The following DST variants were observed in gnomAD, a reference collection of about 807,000 sequenced individuals.
DST encodes the protein bullous pemphigoid antigen.
Under a neutral mutation model 875.2 loss-of-function variants are expected in DST, and 253 were observed. The ratio of observed to expected loss-of-function variants is 0.29; its 90% CI spans 0.26 to 0.32. The LOEUF is 0.32. Ranked by LOEUF, DST falls within the 10% of genes least tolerant of loss-of-function variation. The pLI is 1.00. For missense variants in DST, 8,287 were observed against 9,111.6 expected, an observed-to-expected ratio of 0.91 and a Z score of 3.68; for synonymous variants, 3,124 against 3,197.1, an observed-to-expected ratio of 0.98 and a Z score of 0.77.
chr6:56,545,333 A>C (rs932941097), intron 61 of DST, among the ~76,000 whole-genome samples: 4 of 150,494 alleles, frequency 2.7e-5, no homozygotes, highest in African/African-American at 7.5e-5. Context: ...AGAGAAATAC[A>C]TAATAAGGTA....
chr6:56,619,328 G>C lies in DST; in HGVS notation c.4930-4844C>G, dbSNP rs2098663472. On this transcript the variant is annotated intron_variant, in intron 36 of 103. Transcript: ENST00000680361. ...CTCTACTTTTTGTTTTAGCATCTCT[G>C]CACACTCATTACTTTTCTCCAATTC... The C allele has an allele frequency of 6.2e-7, 1 of 1,613,042 alleles. No individual in the cohort carries two copies. Among genetic ancestry groups the C allele is most frequent in the Admixed American group, 1.7e-5 (1 of 59,922 alleles).
At chr6:56,488,732 A>T (rs2095645172) in intron 86 of DST, among the ~76,000 whole-genome samples, 1 of 152,028 alleles carries the variant, frequency 6.6e-6, no homozygotes, top group Admixed American at 6.6e-5. Context: ...AAAATTGTAA[A>T]ACCCTTTGCA....
At chr6:56,511,536 G>A in intron 72 of DST, 136 bp from the exon 73 acceptor site, 1 of 670,410 alleles carries the variant, frequency 1.5e-6, no homozygotes, top group South Asian at 1.9e-5. Context: ...AACACATGAT[G>A]GCTCATACAG....
intron 32 of DST, among the ~76,000 whole-genome samples, chr6:56,628,601 A>G (rs1449369047): frequency 6.6e-6 from 1 of 152,226 alleles, no homozygotes; most frequent in Non-Finnish European, 1.5e-5. Context: ...ACCTGTCTCT[A>G]TGATTTAAAA....
chr6:56,926,697 C>T (rs17752435), intron 2 of DST, among the ~76,000 whole-genome samples: 23,296 of 152,098 alleles, frequency 0.15, 1,974 homozygotes, highest in Middle Eastern at 0.23. Flanking sequence ...AGTTAAGTGG[C>T]GACCCTCTTT....
chr6:56,901,425 G>T (rs986147463), intron 2 of DST, among the ~76,000 whole-genome samples: 2 of 152,100 alleles, frequency 1.3e-5, no homozygotes, highest in Non-Finnish European at 1.5e-5. Flanking sequence ...GCGAAACCCT[G>T]TCTCTACTAA....
chr6:56,601,304 T>C, intron 44 of DST, 139 bp downstream of exon 44: 3 of 607,394 alleles, frequency 4.9e-6, no homozygotes, highest in Admixed American at 3.2e-5. Context: ...TTATACACTG[T>C]AGGATTTGTA....
chr6:56,608,761 C>T lies in DST; in HGVS notation c.5867G>A (p.Gly1956Glu), dbSNP rs2098519616. The change falls in exon 40 of 104, where the codon GGA (glycine) becomes GAA (glutamate). Residue 1956 changes from glycine to glutamate, a missense_variant. By Grantham distance (98) the Gly-to-Glu change is moderately conservative. This residue lies in a region of DST where 3,138 missense variants were observed against 3,116.6 expected (regional missense o/e 1.01). Transcript: ENST00000680361. ...TCCACATTTTAATGTTATTCTACCT[C>T]CTTCTTGTGGTCTCACAGGTAGAAG... is the stretch of plus-strand genomic sequence containing the variant. ...MWLLPVRPQE[G>E]GRITLKCGRN... is the part of the protein sequence containing the mutation. The T allele has an allele frequency of 1.2e-6, 2 of 1,609,264 alleles. No individual in the cohort carries two copies. Among genetic ancestry groups the T allele is most frequent in the Admixed American group, 1.7e-5 (1 of 59,202 alleles).
chr6:56,568,681 G>C (rs1327679103), intron 54 of DST, 86 bp from the exon 55 acceptor site: 1 of 1,210,562 alleles, frequency 8.3e-7, no homozygotes, highest in Non-Finnish European at 1.1e-6. Context: ...ATATCTTAAA[G>C]TAGTAATAAT....
At chr6:56,696,072 T>C (rs1394845479) in intron 9 of DST, among the ~76,000 whole-genome samples, 1 of 152,244 alleles carries the variant, frequency 6.6e-6, no homozygotes, top group Non-Finnish European at 1.5e-5. Flanking sequence ...AATTTATGAA[T>C]ATTGGTGATA....
chr6:56,565,588 A>T (rs1383797942), intron 55 of DST, among the ~76,000 whole-genome samples: 1 of 152,164 alleles, frequency 6.6e-6, no homozygotes, highest in African/African-American at 2.4e-5. Flanking sequence ...TTACTCAGGC[A>T]TCTGCTAGAT....
chr6:56,666,651 G>A (rs1240026232), intron 10 of DST, among the ~76,000 whole-genome samples: 1 of 151,460 alleles, frequency 6.6e-6, no homozygotes, highest in African/African-American at 2.4e-5. Context: ...CAATAAAATG[G>A]ACATTTTCCA....
chr6:56,553,051 A>C lies in DST; in HGVS notation c.15741T>G (p.Asn5247Lys), dbSNP rs752418911. The change falls in exon 61 of 104, where the codon AAT becomes AAG. Residue 5247 changes from asparagine to lysine, a missense_variant. Physicochemically the swap from Asn to Lys is moderately conservative, Grantham distance 94. Coordinates refer to ENST00000680361, the MANE Select transcript of DST (RefSeq NM_001374736.1). The stretch of plus-strand genomic sequence containing the variant: ...TGTCCACCTTCTGGATCAGTGACTT[A>C]TTCTCATCTGTAACAACTTCTTTAT... Reference protein sequence around the residue: ...EIDKEVVTDENKSLIQKVDMV... With the variant: ...EIDKEVVTDEKKSLIQKVDMV... The C allele has an allele frequency of 3.7e-6, 6 of 1,613,912 alleles. No homozygotes were observed. In the South Asian group the frequency reaches 5.5e-5, roughly 15 times the overall value.
chr6:56,757,544 G>A (rs552791485), intron 4 of DST, among the ~76,000 whole-genome samples: 13 of 152,246 alleles, frequency 8.5e-5, no homozygotes, highest in South Asian at 4.2e-4. Flanking sequence ...TTCTGATGGG[G>A]ACACATGGTA....
chr6:56,468,775 GT>G (rs2094721213), intron 98 of DST, among the ~76,000 whole-genome samples: 1 of 152,144 alleles, frequency 6.6e-6, no homozygotes, highest in Non-Finnish European at 1.5e-5. Flanking sequence ...TTGCTTAAAA[GT>G]AATCTCCTCA....
At chr6:56,870,519 T>C (rs1445521692) in intron 3 of DST, among the ~76,000 whole-genome samples, 1 of 151,326 alleles carries the variant, frequency 6.6e-6, no homozygotes, top group Non-Finnish European at 1.5e-5. Context: ...TCCCAGCATT[T>C]TGGGAGACCG....
intron 92 of DST, 58 bp from the exon 93 acceptor site, chr6:56,474,060 G>A (rs1165989534): frequency 1.4e-6 from 2 of 1,416,914 alleles, no homozygotes; most frequent in African/African-American, 1.4e-5. Context: ...ACCGTCTTTA[G>A]AAATGAACTA....
chr6:56,954,344 C>T (rs1208253558), intron 1 of DST, 63 bp downstream of exon 1: 38 of 1,243,026 alleles, frequency 3.1e-5, no homozygotes, highest in Non-Finnish European at 5.3e-6. Flanking sequence ...AGCCGCGCTT[C>T]ACTCTCCAAA....
intron 36 of DST, chr6:56,617,177 G>C (rs1277790791): frequency 6.2e-7 from 1 of 1,601,770 alleles, no homozygotes; most frequent in Non-Finnish European, 8.5e-7. Flanking sequence ...CTGCCTGGCA[G>C]TCACAGTGTG....
Sources: gnomAD v4.1 joint callset for allele counts (sites outside exome capture counted in the v4.1 genomes callset) on GRCh38, gnomAD v4.1.1 for gene constraint, gnomAD v4.1.1 regional missense constraint, MANE v1.5 for transcripts, NCBI Gene and HGNC (gene_info 2026-07-23, HGNC 2026-07-21) for gene names.